LSM14B: variants seen among roughly 807,000 people sequenced by gnomAD.
The protein encoded by LSM14B is LSM family member 14B.
In LSM14B, 8 loss-of-function variants were observed where a neutral mutation model predicts 42.1. The ratio of observed to expected loss-of-function variants is 0.19; its 90% CI spans 0.11 to 0.34. The LOEUF (loss-of-function observed/expected upper bound fraction) is 0.34, where lower values mean the gene tolerates loss of function less well. Among genes scored for constraint, LSM14B ranks in the 10% least tolerant of loss-of-function variants. The pLI is 1.00. For missense variants in LSM14B, 396 were observed against 513.1 expected (o/e 0.77, Z 2.21); for synonymous variants, 219 against 209.7 (o/e 1.04, Z -0.38).
chr20:62,124,563 G>T, intron 1 of LSM14B, 54 bp from the exon 2 acceptor site: 2 of 1,581,286 alleles, frequency 1.3e-6, no homozygotes, highest in Non-Finnish European at 1.7e-6. Context: ...TGGTGTCAGG[G>T]TTGATTGAAC....
In LSM14B at chr20:62,127,818, C is replaced by T. The variant is rs151165975; in HGVS notation, c.427+1379C>T. 4.0e-4 allele frequency: 311 copies of T among 781,320 alleles called. No individual in the cohort carries two copies. In the African/African-American group the frequency reaches 4.3e-3, roughly 11 times the overall value. The allele number at this position is 781,320 out of a possible 1,614,324, so 48.4% of individuals were successfully genotyped here. The stretch of plus-strand genomic sequence containing the variant: ...AGATCATTTGCCAAGCCCATGCAGC[C>T]GCTGAGCTGCTTGTTTTGCTTCAGC... On this transcript the variant is annotated intron_variant, in intron 3 of 8. Transcript: ENST00000279068.
intron 3 of LSM14B, chr20:62,129,112 C>T (rs2056690101): frequency 4.8e-6 from 4 of 828,424 alleles, no homozygotes; most frequent in Admixed American, 5.3e-5. Context: ...GGGCCTCGGA[C>T]TGCAGTTTCA....
In LSM14B at chr20:62,133,305, G is replaced by A. The variant is rs752042099; in HGVS notation, c.1002G>A (p.Thr334=). 4.0e-5 allele frequency: 64 copies of A among 1,613,286 alleles called. No individual in the cohort carries two copies. The Admixed American group carries it at 4.2e-4, about 11-fold the overall frequency. ...SELKTSSRRT[T]WAEERKLNTE... is the part of the protein sequence containing the mutation. ...TGTGGTTTAGCTCCAGGCGGACGAC[G>A]TGGGCCGAAGAGAGGAAGCTCAACA... is the stretch of plus-strand genomic sequence containing the variant. The change falls in exon 8 of 9, where the codon ACG becomes ACA. Residue 334 remains threonine (T), a synonymous_variant. Transcript: ENST00000279068.
intron 7 of LSM14B, among the ~76,000 whole-genome samples, chr20:62,131,868 C>G (rs2056776867): frequency 6.6e-6 from 1 of 152,260 alleles, no homozygotes; most frequent in African/African-American, 2.4e-5. Flanking sequence ...CCTTGCTTAG[C>G]AGCCTGAGGT....
At chr20:62,127,539 T>G in intron 3 of LSM14B, 1 of 1,338,388 alleles carries the variant, frequency 7.5e-7, no homozygotes, top group Non-Finnish European at 1.0e-6. Context: ...TATCCTGACT[T>G]ATTTGTGTGC....
intron 2 of LSM14B, among the ~76,000 whole-genome samples, chr20:62,125,496 T>C (rs2056566946): frequency 6.6e-6 from 1 of 152,266 alleles, no homozygotes; most frequent in African/African-American, 2.4e-5. Flanking sequence ...GCCCTCGGGT[T>C]ACGCCCAGTC....
At position 62,122,868 on chromosome 20, in the gene LSM14B, C is replaced by T; in HGVS notation, c.127+75C>T. On this transcript the variant is annotated intron_variant, in intron 1 of 8. Coordinates refer to ENST00000279068, the MANE Select transcript of LSM14B (RefSeq NM_144703.3). This position sits in a 1 kb window ranked among gnomAD's most constrained non-coding sequence, Gnocchi z 4.6. ...CCCGGCCTGCGGTGCCCTCCCCGCC[C>T]CGGGGCGCCCCGGAGCCTGGCGCCC... The T allele has an allele frequency of 1.6e-6, 2 of 1,231,368 alleles. No individual in the cohort carries two copies. The highest frequency in any genetic ancestry group is 4.7e-5 in the South Asian group (2 of 42,784). 76.3% of individuals were successfully genotyped at this position (1,231,368 alleles called of 1,614,324 possible). A position where few individuals can be genotyped will look rare whatever the true frequency, so the allele number is the denominator to read the frequency against.
At chr20:62,132,704 G>A (rs2056800181) in intron 7 of LSM14B, among the ~76,000 whole-genome samples, 1 of 152,212 alleles carries the variant, frequency 6.6e-6, no homozygotes, top group Non-Finnish European at 1.5e-5. Flanking sequence ...CTGAAGAGGA[G>A]CTCAGGGTGG....
Position 62,130,132 on chromosome 20 carries a change from C to T in LSM14B, c.596-87C>T. 1.3e-6 allele frequency: 2 copies of T among 1,521,270 alleles called. No homozygotes were observed. The highest frequency in any genetic ancestry group is 1.8e-6 in the Non-Finnish European group (2 of 1,122,448). The allele number at this position is 1,521,270 out of a possible 1,614,324, so 94.2% of individuals were successfully genotyped here. On this transcript the variant is annotated intron_variant, in intron 4 of 8. Coordinates refer to ENST00000279068, the MANE Select transcript of LSM14B (RefSeq NM_144703.3). This position sits in a 1 kb window ranked among gnomAD's most constrained non-coding sequence, Gnocchi z 4.1. The stretch of plus-strand genomic sequence containing the variant: ...GCGGTGCCGCCCTGGCCGCGTGCCC[C>T]ATGGTGGTGGGGCCTGCTTCCACAG...
chr20:62,132,084 C>T (rs930292086), intron 7 of LSM14B, among the ~76,000 whole-genome samples: 7 of 152,314 alleles, frequency 4.6e-5, no homozygotes, highest in South Asian at 2.1e-4. Flanking sequence ...TGCCGCGGGG[C>T]GTTGAGGGGG....
chr20:62,132,009 C>T (rs906595111), intron 7 of LSM14B, among the ~76,000 whole-genome samples: 4 of 152,228 alleles, frequency 2.6e-5, no homozygotes, highest in Non-Finnish European at 5.9e-5. Context: ...GAGTGGGTGG[C>T]ATCTACAGTG....
rs1016349420 is a variant in LSM14B at position 62,122,620 on chromosome 20, C to T, written c.-47C>T. 11 of 1,196,238 alleles carry T rather than the reference C, an allele frequency of 9.2e-6. No homozygotes were observed. The highest frequency in any genetic ancestry group is 1.9e-5 in the South Asian group (1 of 53,592). The allele number at this position is 1,196,238 out of a possible 1,614,324, so 74.1% of individuals were successfully genotyped here. A position where few individuals can be genotyped will look rare whatever the true frequency, so the allele number is the denominator to read the frequency against. On this transcript the variant is annotated 5_prime_UTR_variant, in exon 1 of 9. Coordinates refer to ENST00000279068, the MANE Select transcript of LSM14B (RefSeq NM_144703.3). The surrounding 1 kb of genome is among the most constrained non-coding windows in gnomAD (Gnocchi z 4.6). ...CGCGCGGCGGCGGAGCGGGCCGCGG[C>T]CCGGCGCTCCTTCCCCACCGCGGCC...
rs2056738977 is a variant in LSM14B at position 62,130,585 on chromosome 20, G to A, written c.729G>A (p.Lys243=). The part of the protein sequence containing the change: ...SRGQNRPTNV[K]ENTIKFEGDF... ...GGCAAAACCGTCCAACTAACGTTAA[G>A]GAAAACACAATCAAATTTGAGGGTG... Residue 243 remains lysine (K), a synonymous_variant, in exon 6 of 9, where the codon AAG becomes AAA. Transcript: ENST00000279068. The surrounding 1 kb of genome is among the most constrained non-coding windows in gnomAD (Gnocchi z 4.1). The A allele has an allele frequency of 1.2e-6, 2 of 1,613,838 alleles. No individual in the cohort carries two copies. The highest frequency in any genetic ancestry group is 1.3e-5 in the African/African-American group (1 of 74,926).
chr20:62,129,738 GCTT>G, intron 3 of LSM14B, 44 bp from the exon 4 acceptor site: 1 of 1,532,330 alleles, frequency 6.5e-7, no homozygotes, highest in Admixed American at 2.1e-5. Flanking sequence ...TATAAGGCTT[GCTT>G]CTTTTCTCTC....
Position 62,122,673 on chromosome 20 carries a change from G to A in LSM14B, c.7G>A (p.Gly3Ser). 1 of 1,454,988 alleles carries A rather than the reference G, an allele frequency of 6.9e-7. No homozygotes were observed. Among genetic ancestry groups the A allele is most frequent in the South Asian group, 1.3e-5 (1 of 78,384 alleles). The allele number at this position is 1,454,988 out of a possible 1,614,324, so 90.1% of individuals were successfully genotyped here. MS[G>S]SSGTPYLGSK... Reference sequence around the variant, plus strand: ...ACGCACCCCGGCCGCCGCCATGAGCGGCTCCTCAGGCACCCCGTATCTGGG... The same window carrying A: ...ACGCACCCCGGCCGCCGCCATGAGCAGCTCCTCAGGCACCCCGTATCTGGG... The change falls in exon 1 of 9, where the codon GGC becomes AGC. Residue 3 changes from glycine (G) to serine (S), a missense_variant. Physicochemically the swap from Gly to Ser is moderately conservative, Grantham distance 56 (BLOSUM62 0). Coordinates refer to ENST00000279068, the MANE Select transcript of LSM14B (RefSeq NM_144703.3). The surrounding 1 kb of genome is among the most constrained non-coding windows in gnomAD (Gnocchi z 4.6).
chr20:62,128,881 T>G, intron 3 of LSM14B: 1 of 1,113,092 alleles, frequency 9.0e-7, no homozygotes. Flanking sequence ...CCAGTCTTCA[T>G]GTGTATTGGG....
chr20:62,128,994 C>T, intron 3 of LSM14B: 1 of 1,304,162 alleles, frequency 7.7e-7, no homozygotes, highest in Non-Finnish European at 1.0e-6. Flanking sequence ...AGAGTCCCTA[C>T]AGGTCCTGGA....
chr20:62,129,794 T>C lies in LSM14B; in HGVS notation c.437T>C (p.Phe146Ser). 1 of 1,609,470 alleles carries C rather than the reference T, an allele frequency of 6.2e-7. No homozygotes were observed. The highest frequency in any genetic ancestry group is 8.5e-7 in the Non-Finnish European group (1 of 1,178,108). Reference protein sequence around the residue: ...YAASLGLGAGFPSIPVGKSPM... With the variant: ...YAASLGLGAGSPSIPVGKSPM... ...CCCCTCCTCAATTCAGGAGCTGGTT[T>C]TCCATCCATCCCAGTCGGCAAGAGC... is the stretch of plus-strand genomic sequence containing the variant. Residue 146 changes from phenylalanine to serine, a missense_variant, in exon 4 of 9, where the codon TTT (phenylalanine) becomes TCT (serine). Around this residue, in one of 3 missense-constraint regions of LSM14B, gnomAD observed 274 missense variants for 335.8 expected, o/e 0.82. Coordinates refer to ENST00000279068, the MANE Select transcript of LSM14B (RefSeq NM_144703.3).
intron 1 of LSM14B, chr20:62,123,477 GGGTGC>G (rs1333736444): frequency 6.6e-6 from 1 of 152,336 alleles, no homozygotes; most frequent in Non-Finnish European, 1.5e-5. Flanking sequence ...AGCCGCCTGT[GGGTGC>G]TCGTAACCGG....
Sources: gnomAD v4.1 joint callset for allele counts (sites outside exome capture counted in the v4.1 genomes callset) on GRCh38, gnomAD v4.1.1 for gene constraint, gnomAD v4.1.1 regional missense constraint, Gnocchi (gnomAD v3.1) non-coding constraint, MANE v1.5 for transcripts, NCBI Gene and HGNC (gene_info 2026-07-23, HGNC 2026-07-21) for gene names.